BLTP3B: variants seen among roughly 807,000 people sequenced by gnomAD.
The protein encoded by BLTP3B is UHRF1 (ICBP90) binding protein 1-like.
At chr12:100,070,161 G>A in the BLTP3B span, 23 of 1,571,386 alleles carry the variant, frequency 1.5e-5, no homozygotes, top group Non-Finnish European at 1.8e-5. Flanking sequence ...CATCTGCTTA[G>A]GAAGGCAGCT....
the BLTP3B span, chr12:100,084,516 A>G: frequency 6.2e-7 from 1 of 1,613,860 alleles, no homozygotes; most frequent in South Asian, 1.1e-5. Flanking sequence ...TTGGGGATTT[A>G]GGAGGTGAAC....
At chr12:100,123,945 T>A in the BLTP3B span, among the ~76,000 whole-genome samples, 1 of 152,118 alleles carries the variant, frequency 6.6e-6, no homozygotes, top group Non-Finnish European at 1.5e-5. Flanking sequence ...CACACAGTGT[T>A]TTTAAAAATC....
At chr12:100,106,956 A>G in the BLTP3B span, among the ~76,000 whole-genome samples, 1 of 152,148 alleles carries the variant, frequency 6.6e-6, no homozygotes, top group Non-Finnish European at 1.5e-5. Flanking sequence ...CCTCATCTTT[A>G]AGACCAAGAA....
At chr12:100,131,029 G>GAGAGAGAA in the BLTP3B span, among the ~76,000 whole-genome samples, 2 of 123,252 alleles carry the variant, frequency 1.6e-5, no homozygotes, top group African/African-American at 3.6e-5. Flanking sequence ...GAGAGAGAGA[G>GAGAGAGAA]AGAGAAAGAG....
At chr12:100,065,725 C>G in the BLTP3B span, among the ~76,000 whole-genome samples, 4 of 152,168 alleles carry the variant, frequency 2.6e-5, no homozygotes, top group African/African-American at 9.7e-5. Context: ...ACATGCACAG[C>G]TGAACATAGA....
At chr12:100,134,850 C>G in the BLTP3B span, among the ~76,000 whole-genome samples, 28 of 152,336 alleles carry the variant, frequency 1.8e-4, no homozygotes, top group East Asian at 2.3e-3. Flanking sequence ...TCAATCCTGC[C>G]TTTACCTTCA....
At chr12:100,093,409 T>C in the BLTP3B span, among the ~76,000 whole-genome samples, 2 of 152,198 alleles carry the variant, frequency 1.3e-5, no homozygotes. Context: ...CAAAGTGATC[T>C]ACTATAAAAA....
At chr12:100,142,864 C>T in the BLTP3B span, 2 of 522,412 alleles carry the variant, frequency 3.8e-6, no homozygotes, top group Non-Finnish European at 3.3e-6. Flanking sequence ...GCAGCATCAC[C>T]TAAGAGACTC....
At chr12:100,103,775 G>T in the BLTP3B span, 2 of 662,770 alleles carry the variant, frequency 3.0e-6, no homozygotes, top group Non-Finnish European at 4.6e-6. Flanking sequence ...AAAAACCTGA[G>T]TCCTATCAAA....
chr12:100,142,507 C>A, the BLTP3B span: 1 of 1,464,870 alleles, frequency 6.8e-7, no homozygotes, highest in Non-Finnish European at 9.3e-7. Flanking sequence ...AGCCGCCAGG[C>A]GCCGCCGCCC....
At chr12:100,043,760 C>G in the BLTP3B span, among the ~76,000 whole-genome samples, 1 of 152,148 alleles carries the variant, frequency 6.6e-6, no homozygotes, top group African/African-American at 2.4e-5. Flanking sequence ...AGTCTATATG[C>G]AAACCCTACT....
chr12:100,077,989 T>C, the BLTP3B span, among the ~76,000 whole-genome samples: 1 of 152,150 alleles, frequency 6.6e-6, no homozygotes, highest in Admixed American at 6.6e-5. Context: ...ATAAGGAAAT[T>C]GGTCTCCCTC....
At chr12:100,095,322 G>A in the BLTP3B span, among the ~76,000 whole-genome samples, 1,609 of 152,222 alleles carry the variant, frequency 0.011, 37 homozygotes, top group African/African-American at 0.036. Flanking sequence ...ACTCTCACAC[G>A]TCCTCTCTTG....
chr12:100,110,124 C>T, the BLTP3B span, among the ~76,000 whole-genome samples: 2 of 152,076 alleles, frequency 1.3e-5, no homozygotes, highest in African/African-American at 4.8e-5. Context: ...AAACTACTGG[C>T]TAACAAGAGT....
chr12:100,089,763 G>A, the BLTP3B span, among the ~76,000 whole-genome samples: 18 of 152,116 alleles, frequency 1.2e-4, no homozygotes, highest in Non-Finnish European at 2.5e-4. Flanking sequence ...TGTGGGCCCT[G>A]TATACACTGT....
At chr12:100,090,768 A>G in the BLTP3B span, among the ~76,000 whole-genome samples, 1 of 152,068 alleles carries the variant, frequency 6.6e-6, no homozygotes, top group East Asian at 1.9e-4. Context: ...GATATCAAAC[A>G]CTTTTTCTCC....
At chr12:100,142,288 C>A in the BLTP3B span, among the ~76,000 whole-genome samples, 1 of 152,222 alleles carries the variant, frequency 6.6e-6, no homozygotes. Flanking sequence ...CGCACAGAGC[C>A]GAGCCGGGAC....
At chr12:100,131,262 A>C in the BLTP3B span, among the ~76,000 whole-genome samples, 459 of 151,700 alleles carry the variant, frequency 3.0e-3, 1 homozygote, top group African/African-American at 0.01. Flanking sequence ...AGTGAGCTGT[A>C]ATCATGCCAC....
chr12:100,127,691 G>A, the BLTP3B span, among the ~76,000 whole-genome samples: 1 of 152,138 alleles, frequency 6.6e-6, no homozygotes, highest in Non-Finnish European at 1.5e-5. Context: ...GGGTAGAAGA[G>A]AATGCTGTAA....
Sources: gnomAD v4.1 joint callset for allele counts (sites outside exome capture counted in the v4.1 genomes callset) on GRCh38, gnomAD v4.1.1 for gene constraint, MANE v1.5 for transcripts, NCBI Gene and HGNC (gene_info 2026-07-23, HGNC 2026-07-21) for gene names.